The following RBFOX1 variants were observed in gnomAD, a reference collection of about 807,000 sequenced individuals.
The protein encoded by RBFOX1 is RNA binding fox-1 homolog 1.
A neutral mutation model predicts 57.7 loss-of-function variants in RBFOX1; 8 were observed. The observed-to-expected ratio is 0.14, with a 90% CI of 0.08 to 0.25. The LOEUF is 0.25. Among genes scored for constraint, RBFOX1 ranks in the 10% least tolerant of loss-of-function variants. The pLI, the probability that RBFOX1 is intolerant of heterozygous loss-of-function variation, is 1.00. For missense variants in RBFOX1, 611 were observed against 548.5 expected (o/e 1.11, Z -1.14); for synonymous variants, 326 against 222.4 (o/e 1.47, Z -4.15).
chr16:6,250,284 G>A (rs1044468720), intron 1 of RBFOX1, among the ~76,000 whole-genome samples: 2 of 152,112 alleles, frequency 1.3e-5, no homozygotes, highest in Admixed American at 1.3e-4. Flanking sequence ...TGTGTTTAAT[G>A]GATGAAATAT....
At chr16:5,454,352 G>T (rs2068515676) in intron 1 of RBFOX1, among the ~76,000 whole-genome samples, 1 of 152,210 alleles carries the variant, frequency 6.6e-6, no homozygotes, top group African/African-American at 2.4e-5. Context: ...TAGAGTCTGT[G>T]GGTCAGAAGT....
At chr16:7,186,785 A>G (rs891689422) in intron 4 of RBFOX1, among the ~76,000 whole-genome samples, 1 of 151,128 alleles carries the variant, frequency 6.6e-6, no homozygotes, top group South Asian at 2.1e-4. Context: ...ACTTAAATCT[A>G]TCCTGCCATC....
At chr16:7,556,760 A>G (rs1432775394) in intron 5 of RBFOX1, among the ~76,000 whole-genome samples, 2 of 152,208 alleles carry the variant, frequency 1.3e-5, no homozygotes, top group Non-Finnish European at 2.9e-5. Flanking sequence ...CCAACTTCAT[A>G]GAGGTATCAT....
intron 3 of RBFOX1, among the ~76,000 whole-genome samples, chr16:6,776,693 C>G (rs1408719021): frequency 1.3e-5 from 2 of 152,144 alleles, no homozygotes; most frequent in African/African-American, 4.8e-5. Flanking sequence ...GTTATAAGCT[C>G]CCCCATGCCT....
chr16:6,410,898 G>A (rs1000392819), intron 2 of RBFOX1, among the ~76,000 whole-genome samples: 4 of 152,124 alleles, frequency 2.6e-5, no homozygotes, highest in African/African-American at 9.7e-5. Flanking sequence ...CGCACAGTTG[G>A]GGATAAAAAG....
At chr16:7,501,744 C>A (rs970218673) in intron 4 of RBFOX1, among the ~76,000 whole-genome samples, 1 of 152,212 alleles carries the variant, frequency 6.6e-6, no homozygotes, top group South Asian at 2.1e-4. Context: ...TCAAGAACAT[C>A]AGGTTAGACA....
chr16:7,447,761 G>A (rs533075729), intron 4 of RBFOX1, among the ~76,000 whole-genome samples: 1 of 152,342 alleles, frequency 6.6e-6, no homozygotes, highest in Admixed American at 6.5e-5. Context: ...CAAGTCTAGT[G>A]AGAGCTAAAT....
intron 2 of RBFOX1, among the ~76,000 whole-genome samples, chr16:6,639,664 C>A (rs187407803): frequency 1.3e-5 from 2 of 152,132 alleles, no homozygotes; most frequent in East Asian, 3.9e-4. Flanking sequence ...ATCACGACGT[C>A]AGGAGATTGA....
intron 4 of RBFOX1, among the ~76,000 whole-genome samples, chr16:7,320,583 T>C (rs1046912115): frequency 2.0e-5 from 3 of 152,236 alleles, no homozygotes; most frequent in African/African-American, 7.2e-5. Context: ...TTAGTTTTAA[T>C]GGACAGCTAC....
chr16:7,292,195 CGT>C (rs2095796586), intron 4 of RBFOX1, among the ~76,000 whole-genome samples: 1 of 113,260 alleles, frequency 8.8e-6, no homozygotes. Context: ...TGATATAGAA[CGT>C]ATTATATATC....
At chr16:7,494,624 C>T (rs1315820565) in intron 4 of RBFOX1, among the ~76,000 whole-genome samples, 1 of 152,132 alleles carries the variant, frequency 6.6e-6, no homozygotes, top group Admixed American at 6.5e-5. Flanking sequence ...GAAGGGTATG[C>T]AGTTTTTATC....
chr16:6,397,352 T>C (rs1044366578), intron 2 of RBFOX1, among the ~76,000 whole-genome samples: 1 of 152,178 alleles, frequency 6.6e-6, no homozygotes, highest in Non-Finnish European at 1.5e-5. Context: ...GGTCAGCTTC[T>C]CATCAGAAAC....
At chr16:7,318,476 C>G (rs536337764) in intron 4 of RBFOX1, among the ~76,000 whole-genome samples, 2 of 152,096 alleles carry the variant, frequency 1.3e-5, no homozygotes, top group African/African-American at 4.8e-5. Flanking sequence ...CTACCACTTA[C>G]CACCTTTGCA....
intron 1 of RBFOX1, among the ~76,000 whole-genome samples, chr16:5,320,321 G>T (rs1027550368): frequency 1.3e-5 from 2 of 152,180 alleles, no homozygotes; most frequent in African/African-American, 4.8e-5. Flanking sequence ...CTAGACAAAG[G>T]TGCAGAGTTG....
At chr16:6,682,345 T>C (rs975413511) in intron 3 of RBFOX1, among the ~76,000 whole-genome samples, 2 of 152,138 alleles carry the variant, frequency 1.3e-5, no homozygotes, top group African/African-American at 4.8e-5. Context: ...CCCTTGTGCT[T>C]GTACCGCAGT....
At chr16:7,030,685 A>G (rs1218292650) in intron 3 of RBFOX1, among the ~76,000 whole-genome samples, 1 of 152,180 alleles carries the variant, frequency 6.6e-6, no homozygotes, top group East Asian at 1.9e-4. Context: ...ACATCTGTAA[A>G]GACTGTATTT....
chr16:7,265,640 G>C (rs984661400), intron 4 of RBFOX1, among the ~76,000 whole-genome samples: 39 of 152,154 alleles, frequency 2.6e-4, no homozygotes, highest in African/African-American at 8.9e-4. Flanking sequence ...GTAGAGACGA[G>C]TCTTCGCCAT....
Position 6,551,506 on chromosome 16 carries a change from C to G in RBFOX1, c.-63-103097C>G, listed in dbSNP as rs1332266208. On this transcript the variant is annotated intron_variant, in intron 2 of 15. Transcript: ENST00000550418. The stretch of plus-strand genomic sequence containing the variant: ...AGCAAATGACAGCTATTACTTGTAG[C>G]TATTGGCTCATGAAGTCTGCAGGCT... Among the ~76,000 whole-genome samples the G allele has an allele frequency of 1.3e-5, 2 of 152,272 alleles. 1 individual carries two copies. Among genetic ancestry groups the G allele is most frequent in the South Asian group, 4.2e-4 (2 of 4,814 alleles).
chr16:7,657,843 C>G (rs1291185066), intron 12 of RBFOX1, among the ~76,000 whole-genome samples: 1 of 152,136 alleles, frequency 6.6e-6, no homozygotes, highest in Non-Finnish European at 1.5e-5. Flanking sequence ...AACCAACTCC[C>G]AATTGATTGC....
Sources: allele counts gnomAD v4.1 joint callset (sites outside exome capture counted in the v4.1 genomes callset), GRCh38; gene constraint gnomAD v4.1.1; transcripts MANE v1.5; gene names NCBI Gene and HGNC (gene_info 2026-07-23, HGNC 2026-07-21).